The following OVCH1 variants were observed in gnomAD, a reference collection of about 807,000 sequenced individuals.
The protein encoded by OVCH1 is ovochymase 1, also known as ovochymase-1.
A neutral mutation model predicts 138.4 loss-of-function variants in OVCH1; 139 were observed. That is an observed-to-expected ratio of 1.00 (90% CI 0.87 to 1.16). The LOEUF is 1.16. Ranked by LOEUF, OVCH1 falls within the 50% of genes most tolerant of loss-of-function variation. The pLI is 0.00. For synonymous variants in OVCH1, 453 were observed against 467.8 expected (o/e 0.97, Z 0.41); for missense variants, 1,367 against 1,357.9 (o/e 1.01, Z -0.11).
At chr12:29,405,758 C>T in the OVCH1 span, among the ~76,000 whole-genome samples, 1 of 152,194 alleles carries the variant, frequency 6.6e-6, no homozygotes, top group Non-Finnish European at 1.5e-5. Context: ...TTTGATGATG[C>T]AATCAGTACA....
rs557640972 is a variant in OVCH1 at position 29,414,063 on chromosome 12, A to G, written c.*72-1338T>C. ...TTTTTGGAGTATTGCTCTGTCACCCAGGCTGGAGTGTAGTGGCACAATCTC... is the reference window on the plus strand; with the variant it reads ...TTTTTGGAGTATTGCTCTGTCACCCGGGCTGGAGTGTAGTGGCACAATCTC... On this transcript the variant is annotated intron_variant and NMD_transcript_variant, in intron 3 of 4. Coordinates refer to the OVCH1 transcript ENST00000539117. Among the ~76,000 whole-genome samples, 224 of 135,428 alleles carry G rather than the reference A, an allele frequency of 1.7e-3. 1 individual carries two copies. The highest frequency in any genetic ancestry group is 4.1e-3 in the South Asian group (18 of 4,394). The allele number at this position is 135,428 out of a possible 152,430, so 88.8% of individuals were successfully genotyped here.
chr12:29,462,013 T>A lies in OVCH1; in HGVS notation c.2126-5A>T. The A allele has an allele frequency of 6.2e-7, 1 of 1,610,656 alleles. No homozygotes were observed. The highest frequency in any genetic ancestry group is 8.5e-7 in the Non-Finnish European group (1 of 1,177,268). On this transcript the variant is annotated splice_region_variant and splice_polypyrimidine_tract_variant and intron_variant, in intron 18 of 27. Coordinates refer to ENST00000318184, the Ensembl canonical transcript of OVCH1. The stretch of plus-strand genomic sequence containing the variant: ...GGCGACTTGCTAGGCCACCATCTAA[T>A]GAAGAAACATTCAGAGAGAGCTCGA...
downstream of OVCH1, among the ~76,000 whole-genome samples, chr12:29,408,006 T>A (rs1265080157): frequency 7.1e-6 from 1 of 141,140 alleles, no homozygotes; most frequent in Non-Finnish European, 1.6e-5. Flanking sequence ...GTAGTTCTCC[T>A]TGAAGAGGTC....
intron 24 of OVCH1, among the ~76,000 whole-genome samples, chr12:29,443,926 G>A (rs189982416): frequency 6.6e-6 from 1 of 151,940 alleles, no homozygotes; most frequent in Non-Finnish European, 1.5e-5. Flanking sequence ...CTAATACATG[G>A]TCTATTTTGT....
At chr12:29,487,116 G>A (rs1343410297) in intron 7 of OVCH1, 1 of 233,802 alleles carries the variant, frequency 4.3e-6, no homozygotes, top group Non-Finnish European at 8.8e-6. Flanking sequence ...CTGGGGCTCT[G>A]GGTCTTGTCA....
chr12:29,468,796 G>A (rs190029579), intron 16 of OVCH1, among the ~76,000 whole-genome samples: 6 of 152,166 alleles, frequency 3.9e-5, no homozygotes, highest in South Asian at 2.1e-4. Context: ...TATATACATG[G>A]GTGAGTATAC....
chr12:29,477,551 C>G, exon 10 of OVCH1: 1 of 1,613,808 alleles, frequency 6.2e-7, no homozygotes, highest in Non-Finnish European at 8.5e-7. Context: ...GTTTTGTTTT[C>G]CATCGTCTTC....
At chr12:29,483,441 T>C (rs1379949162) in intron 8 of OVCH1, among the ~76,000 whole-genome samples, 1 of 152,252 alleles carries the variant, frequency 6.6e-6, no homozygotes, top group Non-Finnish European at 1.5e-5. Context: ...TTTCTATCTG[T>C]ACTTGAAATA....
chr12:29,445,599 A>G (rs1421416724), intron 22 of OVCH1, among the ~76,000 whole-genome samples, 196 bp from the exon 23 acceptor site: 2 of 152,060 alleles, frequency 1.3e-5, no homozygotes, highest in African/African-American at 2.4e-5. Context: ...AGGATCTTCA[A>G]CTTGGGTCCA....
chr12:29,482,853 A>AT (rs1314437060), intron 8 of OVCH1, among the ~76,000 whole-genome samples: 2 of 152,240 alleles, frequency 1.3e-5, no homozygotes, highest in Non-Finnish European at 2.9e-5. Flanking sequence ...TGCCATCTGC[A>AT]TGTCTCTTAC....
At chr12:29,405,794 A>G in the OVCH1 span, among the ~76,000 whole-genome samples, 35,233 of 152,202 alleles carry the variant, frequency 0.23, 4,710 homozygotes, top group Admixed American at 0.4. Context: ...TTAAGCCTAT[A>G]CTTGATTCCC....
exon 4 of OVCH1, chr12:29,412,670 A>G (rs1228303122): frequency 6.6e-6 from 1 of 152,226 alleles, no homozygotes; most frequent in Non-Finnish European, 1.5e-5. Flanking sequence ...TCATACATGT[A>G]AAGTCAATTT....
chr12:29,416,452 A>G (rs1296591903), intron 3 of OVCH1, among the ~76,000 whole-genome samples: 2 of 152,218 alleles, frequency 1.3e-5, no homozygotes, highest in Non-Finnish European at 2.9e-5. Flanking sequence ...GAATCCTCAA[A>G]CTCCGCACAG....
chr12:29,492,009 G>C (rs1316887448), intron 4 of OVCH1, among the ~76,000 whole-genome samples: 1 of 152,192 alleles, frequency 6.6e-6, no homozygotes, highest in Non-Finnish European at 1.5e-5. Flanking sequence ...TGTGTTGGGT[G>C]AGAGGAGAAG....
In OVCH1 at chr12:29,443,356, GTTACCTA is replaced by G; in HGVS notation, c.3155_3157+4del. On this transcript the variant is annotated splice_donor_variant and splice_donor_region_variant and coding_sequence_variant and intron_variant, in exon 25 of 28. Transcript: ENST00000318184. LOFTEE classifies it high-confidence loss of function. ...TAGCATAGAGATTCATGGGAAATCA[GTTACCTA>G]TTAATTTTTTTCCTGGTCCAAATCC... The G allele has an allele frequency of 6.2e-7, 1 of 1,608,806 alleles. No homozygotes were observed. Among genetic ancestry groups the G allele is most frequent in the Middle Eastern group, 1.7e-4 (1 of 6,024 alleles).
At chr12:29,409,392 G>T (rs1940924098), downstream of OVCH1, among the ~76,000 whole-genome samples, 1 of 151,860 alleles carries the variant, frequency 6.6e-6, no homozygotes, top group African/African-American at 2.4e-5. Flanking sequence ...TCTTTTAATT[G>T]TGATGTTAGG....
intron 1 of OVCH1, 64 bp downstream of exon 1, chr12:29,497,559 A>C (rs2136106063): frequency 6.3e-7 from 1 of 1,585,060 alleles, no homozygotes; most frequent in Middle Eastern, 1.7e-4. Flanking sequence ...GGAGTAATGA[A>C]GTCTTCCCTC....
At chr12:29,472,854 A>G (rs912527738) in intron 15 of OVCH1, among the ~76,000 whole-genome samples, 175 bp downstream of exon 15, 14 of 152,170 alleles carry the variant, frequency 9.2e-5, no homozygotes, top group African/African-American at 3.1e-4. Flanking sequence ...CCCTCTATTT[A>G]TGAGTCTAAC....
exon 14 of OVCH1, chr12:29,475,103 G>T: frequency 1.9e-6 from 3 of 1,579,184 alleles, no homozygotes; most frequent in East Asian, 2.3e-5. Context: ...CCTTGTAAAC[G>T]ATTTTTACCA....
Sources: allele counts gnomAD v4.1 joint callset (sites outside exome capture counted in the v4.1 genomes callset), GRCh38; gene constraint gnomAD v4.1.1; transcripts MANE v1.5; gene names NCBI Gene and HGNC (gene_info 2026-07-23, HGNC 2026-07-21).